ZRANB3: variants seen among roughly 807,000 people sequenced by gnomAD.
The protein encoded by ZRANB3 is DNA annealing helicase and endonuclease ZRANB3.
In ZRANB3, 125 loss-of-function variants were observed where a neutral mutation model predicts 133.8. That is an observed-to-expected ratio of 0.93 (90% CI 0.81 to 1.08). The LOEUF is 1.08. Ranked by LOEUF, ZRANB3 falls within the 50% of genes least tolerant of loss-of-function variation. The pLI is 0.00. For synonymous variants in ZRANB3, 387 were observed against 432.7 expected (o/e 0.89, Z 1.31); for missense variants, 1,229 against 1,275.5 (o/e 0.96, Z 0.56).
intron 2 of ZRANB3, among the ~76,000 whole-genome samples, chr2:135,497,153 A>G (rs978662869): frequency 5.3e-5 from 8 of 152,242 alleles, no homozygotes; most frequent in Non-Finnish European, 1.2e-4. Context: ...TCTGTATTAT[A>G]AATATATAAA....
intron 12 of ZRANB3, among the ~76,000 whole-genome samples, chr2:135,243,620 A>AC (rs1428751703): frequency 3.0e-5 from 4 of 133,260 alleles, no homozygotes; most frequent in Non-Finnish European, 6.0e-5. Flanking sequence ...ACTTAAAAAA[A>AC]CTTTTTTTTT....
At chr2:135,487,287 T>G (rs1479641721) in intron 2 of ZRANB3, among the ~76,000 whole-genome samples, 1 of 152,242 alleles carries the variant, frequency 6.6e-6, no homozygotes, top group African/African-American at 2.4e-5. Flanking sequence ...GGCTTTGTTA[T>G]TCTACTTATA....
At chr2:135,507,647 T>C (rs924399394) in intron 1 of ZRANB3, among the ~76,000 whole-genome samples, 4 of 152,112 alleles carry the variant, frequency 2.6e-5, no homozygotes, top group African/African-American at 9.7e-5. Flanking sequence ...CTATCATCTT[T>C]ATTCAAGACT....
chr2:135,389,809 T>C (rs1427418624), intron 3 of ZRANB3, among the ~76,000 whole-genome samples: 1 of 152,180 alleles, frequency 6.6e-6, no homozygotes, highest in Non-Finnish European at 1.5e-5. Context: ...CTTTTATTTT[T>C]TAACAATTCA....
At chr2:135,282,243 A>T (rs1414835417) in intron 8 of ZRANB3, among the ~76,000 whole-genome samples, 1 of 152,206 alleles carries the variant, frequency 6.6e-6, no homozygotes, top group Non-Finnish European at 1.5e-5. Flanking sequence ...AAAGTAAAGG[A>T]GAATATGCAT....
At chr2:135,377,773 T>G (rs1686492455) in intron 3 of ZRANB3, among the ~76,000 whole-genome samples, 1 of 152,222 alleles carries the variant, frequency 6.6e-6, no homozygotes, top group Admixed American at 6.5e-5. Context: ...CAGTGTCAAC[T>G]TCATTGGACT....
At chr2:135,460,434 A>T (rs1690713401) in intron 2 of ZRANB3, among the ~76,000 whole-genome samples, 1 of 151,798 alleles carries the variant, frequency 6.6e-6, no homozygotes, top group Non-Finnish European at 1.5e-5. Context: ...GCTAATTTTT[A>T]AAAAATATTT....
At chr2:135,372,724 T>C (rs1294505629) in intron 3 of ZRANB3, among the ~76,000 whole-genome samples, 1 of 151,150 alleles carries the variant, frequency 6.6e-6, no homozygotes, top group East Asian at 1.9e-4. Flanking sequence ...GAGGCGGAGC[T>C]TGCAGTAAGC....
At chr2:135,353,337 T>C in intron 4 of ZRANB3, 113 bp downstream of exon 4, 1 of 615,662 alleles carries the variant, frequency 1.6e-6, no homozygotes, top group Non-Finnish European at 2.5e-6. Context: ...CCATACTACT[T>C]ACTCCACTTC....
At chr2:135,369,201 A>C (rs74929407) in intron 3 of ZRANB3, among the ~76,000 whole-genome samples, 4,190 of 152,202 alleles carry the variant, frequency 0.028, 86 homozygotes, top group South Asian at 0.043. Context: ...GTATTTGAAA[A>C]AAATGTTTCT....
At chr2:135,436,065 T>C (rs1689520227) in intron 2 of ZRANB3, among the ~76,000 whole-genome samples, 1 of 152,194 alleles carries the variant, frequency 6.6e-6, no homozygotes, top group South Asian at 2.1e-4. Flanking sequence ...TCCACTCCTG[T>C]GTCTAGGATT....
intron 2 of ZRANB3, among the ~76,000 whole-genome samples, chr2:135,419,633 C>T (rs577311908): frequency 6.6e-6 from 1 of 151,430 alleles, no homozygotes; most frequent in East Asian, 1.9e-4. Context: ...TATCCTTGGC[C>T]ACGGGAATCA....
At position 135,340,644 on chromosome 2, in the gene ZRANB3, G is replaced by C. The variant is rs571775273; in HGVS notation, c.677+4906C>G. Among the ~76,000 whole-genome samples, 33 of 152,168 alleles carry C rather than the reference G, an allele frequency of 2.2e-4. No individual in the cohort carries two copies. The South Asian group carries it at 5.8e-3, about 27-fold the overall frequency. ...GCAGATCATGAGGTCAGGAGTTCAAGACCAGCCTGGCCAACATGGGGAAAC... is the reference window on the plus strand; with the variant it reads ...GCAGATCATGAGGTCAGGAGTTCAACACCAGCCTGGCCAACATGGGGAAAC... On this transcript the variant is annotated intron_variant, in intron 6 of 20. Coordinates refer to ENST00000264159, the MANE Select transcript of ZRANB3 (RefSeq NM_032143.4).
At chr2:135,249,235 C>A (rs1470103064) in intron 12 of ZRANB3, among the ~76,000 whole-genome samples, 2 of 152,188 alleles carry the variant, frequency 1.3e-5, no homozygotes, top group East Asian at 3.9e-4. Flanking sequence ...ACCAGCAATC[C>A]CATTACTGGG....
At chr2:135,446,991 C>T (rs2105000239) in intron 2 of ZRANB3, among the ~76,000 whole-genome samples, 1 of 151,978 alleles carries the variant, frequency 6.6e-6, no homozygotes, top group Admixed American at 6.6e-5. Context: ...GTTTAATTTT[C>T]TTTCCTCTAT....
chr2:135,517,535 C>T (rs575502897), intron 1 of ZRANB3, among the ~76,000 whole-genome samples: 282 of 152,338 alleles, frequency 1.9e-3, no homozygotes, highest in African/African-American at 6.3e-3. Flanking sequence ...GGCCCCTCTG[C>T]TGCAGGTCTG....
chr2:135,198,390 C>T lies in ZRANB3; in HGVS notation c.*1952G>A, dbSNP rs1455590588. 1 of 152,216 alleles carries T rather than the reference C, an allele frequency of 6.6e-6. No individual in the cohort carries two copies. Among genetic ancestry groups the T allele is most frequent in the Non-Finnish European group, 1.5e-5 (1 of 68,076 alleles). 9.4% of individuals were successfully genotyped at this position (152,216 alleles called of 1,614,324 possible). A position where few individuals can be genotyped will look rare whatever the true frequency, so the allele number is the denominator to read the frequency against. On this transcript the variant is annotated 3_prime_UTR_variant, in exon 21 of 21. Transcript: ENST00000264159. Reference sequence around the variant, plus strand: ...CAGGACACAAAGCTCTGAGACATGTCAGGAAGGGATGGGGACGGGCCAGTC... The same window carrying T: ...CAGGACACAAAGCTCTGAGACATGTTAGGAAGGGATGGGGACGGGCCAGTC...
At chr2:135,479,745 A>G (rs896741962) in intron 2 of ZRANB3, among the ~76,000 whole-genome samples, 3 of 151,786 alleles carry the variant, frequency 2.0e-5, no homozygotes, top group Non-Finnish European at 1.5e-5. Flanking sequence ...CTCTATAGAC[A>G]CTCTTATGGG....
At chr2:135,229,795 C>T (rs187323509) in intron 13 of ZRANB3, among the ~76,000 whole-genome samples, 2 of 152,122 alleles carry the variant, frequency 1.3e-5, no homozygotes, top group Admixed American at 1.3e-4. Flanking sequence ...TATAAAAATG[C>T]TCTATAGAAT....
Sources: gnomAD v4.1 joint callset for allele counts (sites outside exome capture counted in the v4.1 genomes callset) on GRCh38, gnomAD v4.1.1 for gene constraint, MANE v1.5 for transcripts, NCBI Gene and HGNC (gene_info 2026-07-23, HGNC 2026-07-21) for gene names.